MORN1: variants seen among roughly 807,000 people sequenced by gnomAD.
The protein encoded by MORN1 is MORN repeat-containing protein 1.
Under a neutral mutation model 61.9 loss-of-function variants are expected in MORN1, and 67 were observed. The observed-to-expected ratio is 1.08, with a 90% CI of 0.89 to 1.33. The LOEUF is 1.33. Ranked by LOEUF, MORN1 falls within the 40% of genes most tolerant of loss-of-function variation. MORN1 has a pLI of 0.00. For synonymous variants in MORN1, 301 were observed against 292.0 expected, an observed-to-expected ratio of 1.03 and a Z score of -0.31; for missense variants, 752 against 691.2, an observed-to-expected ratio of 1.09 and a Z score of -0.99.
Position 2,372,883 on chromosome 1 carries a change from G to A in MORN1, c.635-292C>T, listed in dbSNP as rs1448692630. 3.3e-5 allele frequency among the ~76,000 whole-genome samples: 5 copies of A among 152,232 alleles called. No homozygotes were observed. Among genetic ancestry groups the A allele is most frequent in the Non-Finnish European group, 7.3e-5 (5 of 68,032 alleles). On this transcript the variant is annotated intron_variant, in intron 7 of 13. Coordinates refer to ENST00000378531, the MANE Select transcript of MORN1 (RefSeq NM_024848.3). This position sits in a 1 kb window ranked among gnomAD's most constrained non-coding sequence, Gnocchi z 5.4. The stretch of plus-strand genomic sequence containing the variant: ...GCAAGAGACACAAGTGGGCGGTGTG[G>A]GGCTGTTGGGTTTTCCTGCCCGTGG...
chr1:2,333,640 G>T (rs560031148), intron 12 of MORN1, among the ~76,000 whole-genome samples: 9 of 152,194 alleles, frequency 5.9e-5, no homozygotes, highest in Admixed American at 1.3e-4. Flanking sequence ...CTGAGGGTGC[G>T]CTGAGAGCCG....
At chr1:2,366,311 ACT>A (rs1405905033) in intron 8 of MORN1, among the ~76,000 whole-genome samples, 3 of 106,824 alleles carry the variant, frequency 2.8e-5, no homozygotes, top group Non-Finnish European at 5.2e-5. Context: ...GGAACATCAC[ACT>A]CTGGGGACTG....
At chr1:2,344,115 C>A (rs1201848373) in intron 10 of MORN1, among the ~76,000 whole-genome samples, 1 of 152,204 alleles carries the variant, frequency 6.6e-6, no homozygotes, top group Non-Finnish European at 1.5e-5. Flanking sequence ...CAGAATCAGG[C>A]CACAAATGCC....
intron 6 of MORN1, 102 bp downstream of exon 6, chr1:2,384,876 A>T: frequency 1.0e-6 from 1 of 977,234 alleles, no homozygotes; most frequent in Non-Finnish European, 1.5e-6. Context: ...GGCCTGGCAC[A>T]TGGAGAAGCT....
intron 6 of MORN1, chr1:2,378,753 C>A: frequency 2.7e-6 from 1 of 363,726 alleles, no homozygotes; most frequent in Non-Finnish European, 5.4e-6. Flanking sequence ...TTCTGGAGGA[C>A]GTGTGGGGCC....
chr1:2,354,438 G>A (rs1569978474), intron 10 of MORN1, among the ~76,000 whole-genome samples: 1 of 152,048 alleles, frequency 6.6e-6, no homozygotes, highest in African/African-American at 2.4e-5. Flanking sequence ...ACGGTGGCTC[G>A]TGCCTGTGGT....
chr1:2,329,316 G>A (rs549873158), intron 12 of MORN1, among the ~76,000 whole-genome samples: 2 of 152,322 alleles, frequency 1.3e-5, no homozygotes, highest in African/African-American at 4.8e-5. Context: ...ACAAGACAGG[G>A]TTCATTTTTC....
rs773011109 is a variant in MORN1, at chr1:2,357,592, G to C, written c.876C>G (p.Phe292Leu). 6.3e-7 allele frequency: 1 copy of C among 1,591,664 alleles called. No individual in the cohort carries two copies. Among genetic ancestry groups the C allele is most frequent in the Non-Finnish European group, 8.6e-7 (1 of 1,166,736 alleles). The change falls in exon 10 of 14, where the codon TTC (phenylalanine) becomes TTG (leucine). Residue 292 changes from phenylalanine to leucine, a missense_variant. Phe to Leu is a conservative substitution (Grantham distance 22). Coordinates refer to ENST00000378531, the MANE Select transcript of MORN1 (RefSeq NM_024848.3). The surrounding 1 kb of genome is among the most constrained non-coding windows in gnomAD (Gnocchi z 6.3). ...TGGACACAGGATAAGGGATGCATTC[G>C]AACCCACTGCAAAGGAATGGGGGCA... is the stretch of plus-strand genomic sequence containing the variant. ...QETLIQTPFG[F>L]ECIPYPVSSP...
chr1:2,391,023 G>C (rs1642643981), intron 1 of MORN1, among the ~76,000 whole-genome samples: 1 of 152,226 alleles, frequency 6.6e-6, no homozygotes, highest in African/African-American at 2.4e-5. Flanking sequence ...TGGAAGTACA[G>C]GCAAAAACTG....
At chr1:2,355,269 C>T (rs889692195) in intron 10 of MORN1, 153 of 1,428,158 alleles carry the variant, frequency 1.1e-4, no homozygotes, top group Non-Finnish European at 1.3e-4. Context: ...GACAAGGGGG[C>T]GCGGGCCGGG....
intron 1 of MORN1, chr1:2,390,617 G>A (rs1374887058): frequency 3.0e-6 from 3 of 985,426 alleles, no homozygotes; most frequent in Non-Finnish European, 3.6e-6. Context: ...CGGGGAGGAG[G>A]GCAGGGGGTT....
intron 12 of MORN1, among the ~76,000 whole-genome samples, chr1:2,325,140 C>CTTCCTTCCTTCCCTTCCTTCCT (rs371807562): frequency 1.5e-4 from 1 of 6,692 alleles, no homozygotes; most frequent in African/African-American, 9.2e-4. Context: ...CCTTCCCTCC[C>CTTCCTTCCTTCCCTTCCTTCCT]TCCCTCCCTT....
At chr1:2,339,121 A>T (rs553042933) in intron 10 of MORN1, among the ~76,000 whole-genome samples, 7 of 152,284 alleles carry the variant, frequency 4.6e-5, no homozygotes, top group Non-Finnish European at 2.9e-5. Context: ...GGGTTGGCCA[A>T]GACGCTTTTT....
intron 12 of MORN1, among the ~76,000 whole-genome samples, chr1:2,327,367 G>GACACAGAAATACAGAAAC (rs1553206403): frequency 2.1e-5 from 3 of 141,124 alleles, no homozygotes; most frequent in Admixed American, 2.1e-4. Context: ...GAAACACAGA[G>GACACAGAAATACAGAAAC]ACACAGAAAT....
chr1:2,359,950 C>T lies in MORN1; in HGVS notation c.746-1235G>A, dbSNP rs140634543. ...CAGTCCGGTGCCCCAGAGTGGATGC[C>T]GAGCTTTGGGACGGGCTCTCAAGTG... is the stretch of plus-strand genomic sequence containing the variant. On this transcript the variant is annotated intron_variant, in intron 8 of 13. Transcript: ENST00000378531. Among the ~76,000 whole-genome samples the T allele has an allele frequency of 8.5e-5, 13 of 152,134 alleles. No homozygotes were observed. In the East Asian group the frequency reaches 1.7e-3, roughly 20 times the overall value.
In MORN1 at chr1:2,321,540, G is replaced by A. The variant is rs763596201; in HGVS notation, c.1337C>T (p.Pro446Leu). Residue 446 changes from proline to leucine, a missense_variant, in exon 14 of 14, where the codon CCG (proline) becomes CTG (leucine). By Grantham distance (98) the Pro-to-Leu change is moderately conservative (BLOSUM62 -3). Transcript: ENST00000378531. ...VLMIRDVTTP[P>L]FLGRRLPPAF... ...CGGGGGCAGCCTGCGCCCCAGGAACGGCGGGGTGGTCACGTCGCGGATCAT... is the reference window on the plus strand; with the variant it reads ...CGGGGGCAGCCTGCGCCCCAGGAACAGCGGGGTGGTCACGTCGCGGATCAT... The A allele has an allele frequency of 2.0e-5, 31 of 1,528,698 alleles. No individual in the cohort carries two copies. Among genetic ancestry groups the A allele is most frequent in the Non-Finnish European group, 2.6e-5 (30 of 1,136,284 alleles). The allele number at this position is 1,528,698 out of a possible 1,614,324, so 94.7% of individuals were successfully genotyped here.
At chr1:2,364,714 A>G (rs1225377363) in intron 8 of MORN1, among the ~76,000 whole-genome samples, 1 of 151,650 alleles carries the variant, frequency 6.6e-6, no homozygotes, top group East Asian at 1.9e-4. Flanking sequence ...TAAATCTTTA[A>G]TCCATCTTGA....
At chr1:2,335,844 A>G (rs1053076161) in intron 12 of MORN1, among the ~76,000 whole-genome samples, 50 of 147,006 alleles carry the variant, frequency 3.4e-4, no homozygotes, top group African/African-American at 1.3e-3. Context: ...AGCCCAGCCC[A>G]GCGCGCAGCT....
intron 12 of MORN1, chr1:2,332,560 G>A (rs1192991805): frequency 4.4e-6 from 2 of 456,012 alleles, no homozygotes; most frequent in Admixed American, 2.4e-5. Flanking sequence ...GGAATGGGCA[G>A]TGCTGTGAGG....
Sources: gnomAD v4.1 joint callset for allele counts (sites outside exome capture counted in the v4.1 genomes callset) on GRCh38, gnomAD v4.1.1 for gene constraint, Gnocchi (gnomAD v3.1) non-coding constraint, MANE v1.5 for transcripts, NCBI Gene and HGNC (gene_info 2026-07-23, HGNC 2026-07-21) for gene names.